NOM1: variants seen among roughly 807,000 people sequenced by gnomAD.
The protein encoded by NOM1 is nucleolar protein with MIF4G domain 1, also known as nucleolar MIF4G domain-containing protein 1.
In NOM1, 58 loss-of-function variants were observed where a neutral mutation model predicts 73.3. That is an observed-to-expected ratio of 0.79 (90% CI 0.64 to 0.99). The LOEUF is 0.99. NOM1 is among the 50% of genes least tolerant of loss of function. NOM1 has a pLI of 0.00. For synonymous variants in NOM1, 487 were observed against 446.8 expected (o/e 1.09, Z -1.14); for missense variants, 1,226 against 1,131.9 (o/e 1.08, Z -1.19).
At chr7:156,961,910 T>A (rs928408003) in intron 4 of NOM1, among the ~76,000 whole-genome samples, 1 of 151,688 alleles carries the variant, frequency 6.6e-6, no homozygotes, top group African/African-American at 2.4e-5. Flanking sequence ...GGAAAAGAGA[T>A]CTCTGGGGAG....
chr7:156,960,424 A>G (rs116633331), intron 4 of NOM1, among the ~76,000 whole-genome samples: 1,546 of 152,354 alleles, frequency 0.01, 25 homozygotes, highest in African/African-American at 0.035. Context: ...AGGAGGCCAC[A>G]GGACATGGGG....
intron 5 of NOM1, 36 bp downstream of exon 5, chr7:156,962,297 A>G: frequency 6.7e-7 from 1 of 1,500,602 alleles, no homozygotes; most frequent in African/African-American, 1.4e-5. Context: ...TTTTGCTCAG[A>G]GCTTCCGTGT....
At chr7:156,951,377 ACT>A (rs987050797) in intron 1 of NOM1, among the ~76,000 whole-genome samples, 3 of 151,960 alleles carry the variant, frequency 2.0e-5, no homozygotes, top group African/African-American at 4.8e-5. Flanking sequence ...AGAGAGCCAG[ACT>A]CTGTTTCAAA....
Position 156,954,400 on chromosome 7 carries a change from G to T in NOM1, c.1308+102G>T, listed in dbSNP as rs181099229. The T allele has an allele frequency of 8.4e-6, 8 of 950,836 alleles. No homozygotes were observed. In the Admixed American group the frequency reaches 2.1e-4, roughly 25 times the overall value. The allele number at this position is 950,836 out of a possible 1,614,324, so 58.9% of individuals were successfully genotyped here. On this transcript the variant is annotated intron_variant, in intron 3 of 10. Coordinates refer to ENST00000275820, the MANE Select transcript of NOM1 (RefSeq NM_138400.2). ...TAATTGTGTGCTGTGGGTGGTTCTT[G>T]TGTCGATTCCTTTTTGTTGTGAATA...
At chr7:156,962,886 G>C in intron 5 of NOM1, 122 bp from the exon 6 acceptor site, 1 of 1,083,676 alleles carries the variant, frequency 9.2e-7, no homozygotes, top group Non-Finnish European at 1.3e-6. Flanking sequence ...CCAATTGCCA[G>C]TGACCCATTC....
intron 3 of NOM1, among the ~76,000 whole-genome samples, chr7:156,958,221 C>A (rs1254912146): frequency 6.6e-6 from 1 of 152,220 alleles, no homozygotes; most frequent in African/African-American, 2.4e-5. Flanking sequence ...TGGATGGCCC[C>A]TGTTGAAGCT....
chr7:156,957,576 C>A (rs1172482541), intron 3 of NOM1, among the ~76,000 whole-genome samples: 4 of 151,984 alleles, frequency 2.6e-5, no homozygotes, highest in African/African-American at 9.7e-5. Context: ...GAGATTGAGA[C>A]CATCCTGGCT....
intron 4 of NOM1, among the ~76,000 whole-genome samples, chr7:156,961,843 G>A (rs1011803098): frequency 1.3e-5 from 2 of 152,154 alleles, no homozygotes; most frequent in East Asian, 1.9e-4. Flanking sequence ...AGTAGAGGCC[G>A]GGGTGGCCGA....
intron 9 of NOM1, among the ~76,000 whole-genome samples, chr7:156,967,928 G>A (rs547737962): frequency 2.6e-5 from 4 of 151,754 alleles, no homozygotes; most frequent in Non-Finnish European, 5.9e-5. Context: ...AAACTGGAGC[G>A]CCTGGGGGGC....
rs1304083645 is a variant in NOM1, at chr7:156,971,652, G to C, written c.*1949G>C. 5 of 152,248 alleles carry C rather than the reference G, an allele frequency of 3.3e-5. No individual in the cohort carries two copies. The highest frequency in any genetic ancestry group is 1.2e-4 in the African/African-American group (5 of 41,458). The allele number at this position is 152,248 out of a possible 1,614,324, so 9.4% of individuals were successfully genotyped here. Reference sequence around the variant, plus strand: ...GTGCCTGGCCTCAAATTTTATTTTAGCTCGACCCTATGGCAGTTTGTGTTT... The same window carrying C: ...GTGCCTGGCCTCAAATTTTATTTTACCTCGACCCTATGGCAGTTTGTGTTT... On this transcript the variant is annotated 3_prime_UTR_variant, in exon 11 of 11. Transcript: ENST00000275820.
At chr7:156,957,427 A>G (rs566100169) in intron 3 of NOM1, among the ~76,000 whole-genome samples, 94 of 152,348 alleles carry the variant, frequency 6.2e-4, no homozygotes, top group Admixed American at 1.9e-3. Flanking sequence ...TTTTGAAGAC[A>G]TTAAATGGAA....
At chr7:156,952,759 GAGA>G (rs1804626329) in intron 2 of NOM1, among the ~76,000 whole-genome samples, 161 bp downstream of exon 2, 1 of 151,952 alleles carries the variant, frequency 6.6e-6, no homozygotes. Context: ...CCCATACCTC[GAGA>G]AGGAGAGGAT....
At chr7:156,952,672 G>T in intron 2 of NOM1, 74 bp downstream of exon 2, 2 of 1,498,894 alleles carry the variant, frequency 1.3e-6, no homozygotes, top group Non-Finnish European at 9.1e-7. Flanking sequence ...AATTATCCCA[G>T]CAATTCAAAT....
intron 9 of NOM1, among the ~76,000 whole-genome samples, chr7:156,968,476 C>T (rs925419289): frequency 2.0e-5 from 3 of 152,080 alleles, no homozygotes; most frequent in Admixed American, 1.3e-4. Context: ...CGTCACCATG[C>T]GTTTAGTCCC....
chr7:156,969,302 C>T, intron 10 of NOM1, 106 bp downstream of exon 10: 1 of 785,340 alleles, frequency 1.3e-6, no homozygotes, highest in Non-Finnish European at 2.1e-6. Flanking sequence ...GTAGCTTAAT[C>T]TTTTCGGTTT....
In NOM1 at chr7:156,954,522, C is replaced by CTTTTTTTTTTTTTTTTT. The variant is rs34176770; in HGVS notation, c.1308+228_1308+244dup. Among the ~76,000 whole-genome samples, 678 of 101,514 alleles carry CTTTTTTTTTTTTTTTTT rather than the reference C, an allele frequency of 6.7e-3. 47 individuals carry two copies. Among genetic ancestry groups the CTTTTTTTTTTTTTTTTT allele is most frequent in the Admixed American group, 9.8e-3 (86 of 8,734 alleles). 66.6% of individuals were successfully genotyped at this position (101,514 alleles called of 152,430 possible). On this transcript the variant is annotated intron_variant, in intron 3 of 10. Coordinates refer to ENST00000275820, the MANE Select transcript of NOM1 (RefSeq NM_138400.2). ...ACTTTGCTTTTTTGTTCTGTCCATTCTTTTTTTTTTTTTTTTTTTTGAGAC... is the reference window on the plus strand; with the variant it reads ...ACTTTGCTTTTTTGTTCTGTCCATTCTTTTTTTTTTTTTTTTTTTTTTTTTTTTTTTTTTTTTGAGAC...
At chr7:156,965,665 C>T (rs1032387899) in intron 7 of NOM1, among the ~76,000 whole-genome samples, 2 of 152,208 alleles carry the variant, frequency 1.3e-5, no homozygotes, top group African/African-American at 4.8e-5. Flanking sequence ...CCTGTAATCC[C>T]AGCACTTTGG....
At position 156,954,236 on chromosome 7, in the gene NOM1, A is replaced by T; in HGVS notation, c.1246A>T (p.Ser416Cys). ...GACVTASAMPSRLMMEHVLLV... is the reference protein window; with the variant it reads ...GACVTASAMPCRLMMEHVLLV... ...CTGCGTCACTGCCTCGGCCATGCCC[A>T]GCAGACTGATGATGGAGCATGTTCT... Residue 416 changes from serine to cysteine, a missense_variant, in exon 3 of 11, where the codon AGC becomes TGC. Ser to Cys is a moderately radical substitution (Grantham distance 112). Coordinates refer to ENST00000275820, the MANE Select transcript of NOM1 (RefSeq NM_138400.2). 6.2e-7 allele frequency: 1 copy of T among 1,612,914 alleles called. No individual in the cohort carries two copies. Among genetic ancestry groups the T allele is most frequent in the Non-Finnish European group, 8.5e-7 (1 of 1,179,688 alleles).
rs765714266 is a variant in NOM1, at chr7:156,949,772, C to G, written c.35C>G (p.Pro12Arg). The change falls in exon 1 of 11, where the codon CCG (proline) becomes CGG (arginine). Residue 12 changes from proline to arginine, a missense_variant. Coordinates refer to ENST00000275820, the MANE Select transcript of NOM1 (RefSeq NM_138400.2). ...TCCAGGAGCGCGGGAGAGGCCGGCC[C>G]GGGCGGCTCCCAGGGACGCGTGGTC... ...AASRSAGEAGPGGSQGRVVRM... is the reference protein window; with the variant it reads ...AASRSAGEAGRGGSQGRVVRM... 3 of 1,402,476 alleles carry G rather than the reference C, an allele frequency of 2.1e-6. No homozygotes were observed. The highest frequency in any genetic ancestry group is 1.5e-5 in the African/African-American group (1 of 66,296). The allele number at this position is 1,402,476 out of a possible 1,614,324, so 86.9% of individuals were successfully genotyped here.
Sources: allele counts gnomAD v4.1 joint callset (sites outside exome capture counted in the v4.1 genomes callset), GRCh38; gene constraint gnomAD v4.1.1; transcripts MANE v1.5; gene names NCBI Gene and HGNC (gene_info 2026-07-23, HGNC 2026-07-21).